EPHA6: variants seen among roughly 807,000 people sequenced by gnomAD.
EPHA6 encodes the protein EPH receptor A6.
Under a neutral mutation model 112.0 loss-of-function variants are expected in EPHA6, and 50 were observed. The ratio of observed to expected loss-of-function variants is 0.45; its 90% CI spans 0.36 to 0.56. The LOEUF (loss-of-function observed/expected upper bound fraction) is 0.56. Among genes scored for constraint, EPHA6 ranks in the 20% least tolerant of loss-of-function variants. The probability of loss-of-function intolerance (pLI) is 0.00; values close to 1 mark genes in which losing one functional copy is unlikely to be tolerated. For synonymous variants in EPHA6, 529 were observed against 490.7 expected (o/e 1.08, Z -1.03); for missense variants, 1,280 against 1,417.4 (o/e 0.90, Z 1.56).
intron 6 of EPHA6, among the ~76,000 whole-genome samples, chr3:97,413,683 T>G (rs998641846): frequency 2.6e-4 from 39 of 152,014 alleles, no homozygotes; most frequent in Non-Finnish European, 4.4e-4. Context: ...GTTCCCAAGC[T>G]TTACTTTCCC....
chr3:97,596,887 T>G (rs1455316134), intron 12 of EPHA6, among the ~76,000 whole-genome samples: 3 of 134,314 alleles, frequency 2.2e-5, no homozygotes, highest in Non-Finnish European at 4.6e-5. Context: ...TATATATATA[T>G]ATATATATAT....
At chr3:97,593,638 A>G (rs116528443) in intron 12 of EPHA6, among the ~76,000 whole-genome samples, 5 of 152,350 alleles carry the variant, frequency 3.3e-5, no homozygotes, top group African/African-American at 9.6e-5. Flanking sequence ...GGGAAATCCA[A>G]TAAAAACAAA....
At chr3:97,539,283 G>A (rs1577704225) in intron 11 of EPHA6, among the ~76,000 whole-genome samples, 1 of 151,514 alleles carries the variant, frequency 6.6e-6, no homozygotes, top group East Asian at 1.9e-4. Context: ...GAGTAGCTGG[G>A]ACTACAGGCA....
At chr3:97,745,982 G>A (rs1387357817) in intron 16 of EPHA6, among the ~76,000 whole-genome samples, 1 of 151,814 alleles carries the variant, frequency 6.6e-6, no homozygotes, top group Non-Finnish European at 1.5e-5. Flanking sequence ...TTCACATGGT[G>A]TAATCATTTG....
chr3:97,569,584 C>T (rs1053346222), intron 11 of EPHA6, among the ~76,000 whole-genome samples: 3 of 151,980 alleles, frequency 2.0e-5, no homozygotes, highest in Non-Finnish European at 4.4e-5. Context: ...ACTAACTGAA[C>T]ATATATTTAT....
rs34259097 is a variant in EPHA6, at chr3:97,407,347, A to AACACACACACACACAC, written c.1731+2086_1731+2101dup. ...TTTTCATTGAAATCTACTGAAATTA[A>AACACACACACACACAC]ACACACACACACACACACACACACA... On this transcript the variant is annotated intron_variant, in intron 6 of 17. Coordinates refer to ENST00000389672, the MANE Select transcript of EPHA6 (RefSeq NM_001080448.3). Among the ~76,000 whole-genome samples, 161 of 147,368 alleles carry AACACACACACACACAC rather than the reference A, an allele frequency of 1.1e-3. 1 individual carries two copies. Among genetic ancestry groups the AACACACACACACACAC allele is most frequent in the African/African-American group, 3.7e-3 (147 of 40,106 alleles).
At chr3:97,625,703 T>A (rs1272423506) in intron 13 of EPHA6, among the ~76,000 whole-genome samples, 1 of 151,762 alleles carries the variant, frequency 6.6e-6, no homozygotes, top group African/African-American at 2.4e-5. Flanking sequence ...TTACTTATGT[T>A]AATGTTTGTA....
At chr3:97,714,238 G>T (rs2034114893) in intron 14 of EPHA6, among the ~76,000 whole-genome samples, 1 of 152,214 alleles carries the variant, frequency 6.6e-6, no homozygotes, top group Non-Finnish European at 1.5e-5. Flanking sequence ...AACATTTACT[G>T]AGTGTACACT....
chr3:97,213,045 A>C (rs1418561130), intron 3 of EPHA6, among the ~76,000 whole-genome samples: 3 of 152,216 alleles, frequency 2.0e-5, no homozygotes, highest in Non-Finnish European at 4.4e-5. Flanking sequence ...AGTCTTTGGC[A>C]TGTTAAATAG....
At chr3:97,213,900 G>A (rs1205383349) in intron 3 of EPHA6, among the ~76,000 whole-genome samples, 2 of 151,922 alleles carry the variant, frequency 1.3e-5, no homozygotes, top group Non-Finnish European at 2.9e-5. Context: ...TTTATTCAAC[G>A]GGAAGTTCAT....
chr3:96,923,255 C>T (rs1212194565), intron 2 of EPHA6, among the ~76,000 whole-genome samples: 5 of 152,102 alleles, frequency 3.3e-5, no homozygotes, highest in African/African-American at 9.7e-5. Flanking sequence ...ACACTCCCAC[C>T]AACAATGAAA....
At chr3:97,726,541 CA>C (rs2034777109) in intron 15 of EPHA6, among the ~76,000 whole-genome samples, 1 of 151,996 alleles carries the variant, frequency 6.6e-6, no homozygotes. Flanking sequence ...AGCTTAAAAT[CA>C]AATTTTAAAG....
At chr3:97,178,134 A>G (rs2076888921) in intron 3 of EPHA6, among the ~76,000 whole-genome samples, 1 of 151,968 alleles carries the variant, frequency 6.6e-6, no homozygotes, top group Non-Finnish European at 1.5e-5. Context: ...AGTTACCATT[A>G]GGCTTGCAAA....
intron 6 of EPHA6, among the ~76,000 whole-genome samples, chr3:97,430,650 T>C (rs1445074737): frequency 6.6e-6 from 1 of 152,152 alleles, no homozygotes; most frequent in Non-Finnish European, 1.5e-5. Context: ...ATAATTCTTT[T>C]GGATGGGCAT....
At chr3:97,330,809 A>G (rs2082759211) in intron 5 of EPHA6, among the ~76,000 whole-genome samples, 1 of 152,080 alleles carries the variant, frequency 6.6e-6, no homozygotes, top group African/African-American at 2.4e-5. Context: ...AGACTTTAAC[A>G]CCCCACTGTC....
At chr3:97,488,714 A>G (rs544036987) in intron 10 of EPHA6, among the ~76,000 whole-genome samples, 3 of 152,288 alleles carry the variant, frequency 2.0e-5, no homozygotes, top group East Asian at 3.9e-4. Flanking sequence ...CTATATTTAG[A>G]TGAGATGACT....
intron 1 of EPHA6, among the ~76,000 whole-genome samples, chr3:96,833,331 A>G (rs2107285903): frequency 6.6e-6 from 1 of 151,800 alleles, no homozygotes; most frequent in South Asian, 2.1e-4. Context: ...AGAAAGCCAC[A>G]CAAAAAACTA....
At chr3:97,472,737 A>G (rs1030596637) in intron 7 of EPHA6, among the ~76,000 whole-genome samples, 1 of 151,858 alleles carries the variant, frequency 6.6e-6, no homozygotes, top group African/African-American at 2.4e-5. Context: ...AAAGATTGTG[A>G]CAAGAATGTT....
At chr3:96,973,788 G>A (rs2042406948) in intron 2 of EPHA6, among the ~76,000 whole-genome samples, 1 of 147,788 alleles carries the variant, frequency 6.8e-6, no homozygotes, top group Admixed American at 6.8e-5. Context: ...TCATGCCACT[G>A]GTCTCCAGCC....
Sources: allele counts gnomAD v4.1 joint callset (sites outside exome capture counted in the v4.1 genomes callset), GRCh38; gene constraint gnomAD v4.1.1; transcripts MANE v1.5; gene names NCBI Gene and HGNC (gene_info 2026-07-23, HGNC 2026-07-21).